The following RAPH1 variants were observed in gnomAD, a reference collection of about 807,000 sequenced individuals.
RAPH1 encodes Ras association (RalGDS/AF-6) and pleckstrin homology domains 1.
Under a neutral mutation model 88.1 loss-of-function variants are expected in RAPH1, and 18 were observed. The observed-to-expected ratio is 0.20, with a 90% CI of 0.14 to 0.30. RAPH1 has a LOEUF of 0.30. Among genes scored for constraint, RAPH1 ranks in the 10% least tolerant of loss-of-function variants. RAPH1 has a pLI of 1.00. For missense variants in RAPH1, 1,448 were observed against 1,543.2 expected, an observed-to-expected ratio of 0.94 and a Z score of 1.03; for synonymous variants, 587 against 559.0, an observed-to-expected ratio of 1.05 and a Z score of -0.71.
chr2:203,479,485 T>TC (rs1030373533), intron 4 of RAPH1, among the ~76,000 whole-genome samples: 14 of 151,552 alleles, frequency 9.2e-5, no homozygotes, highest in Admixed American at 9.2e-4. Context: ...GTGCCTGTAG[T>TC]CCCACCCAGC....
chr2:203,506,384 T>C (rs773365284), intron 1 of RAPH1, among the ~76,000 whole-genome samples: 6 of 151,680 alleles, frequency 4.0e-5, no homozygotes, highest in Non-Finnish European at 8.8e-5. Flanking sequence ...GTATACACTC[T>C]ACACAAAAAG....
Position 203,454,378 on chromosome 2 carries a change from C to T in RAPH1, c.1413+52G>A, listed in dbSNP as rs573917425. ...CAACAGTTCTAAAATATCCAATAACCTGCTCTATGTCTAACATCAATTAAA... is the reference window on the plus strand; with the variant it reads ...CAACAGTTCTAAAATATCCAATAACTTGCTCTATGTCTAACATCAATTAAA... On this transcript the variant is annotated intron_variant, in intron 10 of 13. Coordinates refer to ENST00000319170, the MANE Select transcript of RAPH1 (RefSeq NM_213589.3). The T allele has an allele frequency of 5.8e-6, 7 of 1,198,354 alleles. No individual in the cohort carries two copies. In the South Asian group the frequency reaches 9.5e-5, roughly 16 times the overall value. The allele number at this position is 1,198,354 out of a possible 1,614,324, so 74.2% of individuals were successfully genotyped here. A position where few individuals can be genotyped will look rare whatever the true frequency, so the allele number is the denominator to read the frequency against.
At chr2:203,527,968 C>T (rs1690201148) in intron 1 of RAPH1, among the ~76,000 whole-genome samples, 1 of 151,974 alleles carries the variant, frequency 6.6e-6, no homozygotes. Flanking sequence ...CAAGTGTTAA[C>T]GGATGTTGTT....
chr2:203,454,602 G>T, intron 9 of RAPH1, 62 bp from the exon 10 acceptor site: 2 of 1,207,512 alleles, frequency 1.7e-6, no homozygotes, highest in Non-Finnish European at 2.4e-6. Context: ...AAATATACCT[G>T]GTTAACATTT....
At chr2:203,455,349 G>T in intron 9 of RAPH1, 88 bp downstream of exon 9, 3 of 1,220,776 alleles carry the variant, frequency 2.5e-6, no homozygotes, top group Non-Finnish European at 3.5e-6. Context: ...ACAAATCATA[G>T]CCTGGGTTCA....
intron 4 of RAPH1, among the ~76,000 whole-genome samples, chr2:203,467,268 T>TA (rs2098529248): frequency 6.6e-6 from 1 of 152,084 alleles, no homozygotes; most frequent in Non-Finnish European, 1.5e-5. Context: ...CAAACTCAGA[T>TA]AAAAAATATA....
chr2:203,529,922 G>T (rs1217505255), intron 1 of RAPH1, among the ~76,000 whole-genome samples: 2 of 151,964 alleles, frequency 1.3e-5, no homozygotes, highest in African/African-American at 4.8e-5. Flanking sequence ...CTTCTTTGTG[G>T]TCCCTGCGTC....
intron 1 of RAPH1, among the ~76,000 whole-genome samples, chr2:203,534,275 C>T (rs1264677875): frequency 6.6e-6 from 1 of 152,120 alleles, no homozygotes; most frequent in Admixed American, 6.6e-5. Context: ...CGGATCTTCC[C>T]AAAGAATTTA....
intron 4 of RAPH1, among the ~76,000 whole-genome samples, chr2:203,472,457 T>C (rs2098534032): frequency 6.6e-6 from 1 of 152,216 alleles, no homozygotes; most frequent in South Asian, 2.1e-4. Context: ...TCTAATAAAC[T>C]TGCTTTCACT....
At chr2:203,449,351 C>G (rs1051421499) in intron 10 of RAPH1, among the ~76,000 whole-genome samples, 1 of 152,208 alleles carries the variant, frequency 6.6e-6, no homozygotes. Context: ...ACAGTCACAC[C>G]TGTCACAGGG....
At chr2:203,491,156 C>G (rs1013490382) in intron 3 of RAPH1, 58 bp downstream of exon 3, 2 of 1,143,200 alleles carry the variant, frequency 1.7e-6, no homozygotes, top group African/African-American at 3.1e-5. Flanking sequence ...AGTTGTACTG[C>G]TCCTACATTG....
chr2:203,523,805 G>A (rs1170824503), intron 1 of RAPH1, among the ~76,000 whole-genome samples: 1 of 152,164 alleles, frequency 6.6e-6, no homozygotes, highest in East Asian at 1.9e-4. Context: ...AGGAGACCGA[G>A]ACCATCCTGG....
intron 12 of RAPH1, chr2:203,445,716 C>T (rs1191200846): frequency 2.6e-5 from 4 of 152,168 alleles, no homozygotes; most frequent in African/African-American, 7.2e-5. Context: ...GCTATGATAA[C>T]ACCACTGCAT....
chr2:203,492,686 TA>T (rs1688321538), intron 2 of RAPH1, among the ~76,000 whole-genome samples: 1 of 152,216 alleles, frequency 6.6e-6, no homozygotes, highest in East Asian at 1.9e-4. Context: ...ATTAGTGTTT[TA>T]AAACTTTAAT....
At chr2:203,451,526 T>C (rs1364902477) in intron 10 of RAPH1, among the ~76,000 whole-genome samples, 1 of 152,216 alleles carries the variant, frequency 6.6e-6, no homozygotes, top group Non-Finnish European at 1.5e-5. Context: ...AATATTATGC[T>C]GTCATTTTTA....
chr2:203,444,206 G>A (rs1053418373), intron 13 of RAPH1: 1 of 152,288 alleles, frequency 6.6e-6, no homozygotes, highest in African/African-American at 2.4e-5. Flanking sequence ...GGCTGAGGCA[G>A]GTGGATCTCG....
Position 203,454,437 on chromosome 2 carries a change from A to C in RAPH1, c.1406T>G (p.Val469Gly), listed in dbSNP as rs1581267634. The change falls in exon 10 of 14, where the codon GTG becomes GGG. Residue 469 changes from valine to glycine, a missense_variant. Transcript: ENST00000319170. The part of the protein sequence containing the change: ...KYKAPTDYCL[V>G]LKHPQIQKKS... ...AAAGAAATATGTGTTTACCTTCAGC[A>C]CCAGACAATAGTCTGTAGGTGCTTT... 3 of 1,606,014 alleles carry C rather than the reference A, an allele frequency of 1.9e-6. 1 individual carries two copies. In the Middle Eastern group the frequency reaches 5.0e-4, roughly 266 times the overall value.
intron 1 of RAPH1, among the ~76,000 whole-genome samples, chr2:203,512,993 G>C (rs1185100113): frequency 6.6e-6 from 1 of 152,098 alleles, no homozygotes; most frequent in Non-Finnish European, 1.5e-5. Context: ...TCATGTTTAT[G>C]TCCTAAGTGT....
chr2:203,439,764 T>A lies in RAPH1; in HGVS notation c.3426A>T (p.Pro1142=). ...RLTQAEISEQ[P]TMATVVPQVP... is the part of the protein sequence containing the mutation. ...CTTGTGGCACAACTGTGGCCATTGT[T>A]GGCTGCTCAGAAATCTCAGCTTGAG... The change falls in exon 14 of 14, where the codon CCA becomes CCT. Residue 1142 remains proline (P), a synonymous_variant. Transcript: ENST00000319170. The A allele has an allele frequency of 6.2e-7, 1 of 1,614,166 alleles. No individual in the cohort carries two copies. Among genetic ancestry groups the A allele is most frequent in the Non-Finnish European group, 8.5e-7 (1 of 1,180,040 alleles).
Sources: allele counts gnomAD v4.1 joint callset (sites outside exome capture counted in the v4.1 genomes callset), GRCh38; gene constraint gnomAD v4.1.1; transcripts MANE v1.5; gene names NCBI Gene and HGNC (gene_info 2026-07-23, HGNC 2026-07-21).